The following UBR4 variants were observed in gnomAD, a reference collection of about 807,000 sequenced individuals.
UBR4 encodes E3 ubiquitin-protein ligase UBR4.
Under a neutral mutation model 575.6 loss-of-function variants are expected in UBR4, and 124 were observed. The ratio of observed to expected loss-of-function variants is 0.22; its 90% CI spans 0.19 to 0.25. The LOEUF is 0.25. UBR4 is among the 10% of genes least tolerant of loss of function. UBR4 has a pLI of 1.00. For missense variants in UBR4, 4,818 were observed against 6,478.8 expected (o/e 0.74, Z 8.80); for synonymous variants, 2,455 against 2,473.7 (o/e 0.99, Z 0.22).
chr1:19,190,970 C>T (rs531946377), intron 11 of UBR4, among the ~76,000 whole-genome samples: 2 of 152,288 alleles, frequency 1.3e-5, no homozygotes, highest in South Asian at 2.1e-4. Context: ...ACCTGTCTGA[C>T]CTAATTTTCT....
chr1:19,101,652 T>C lies in UBR4; in HGVS notation c.12902-11A>G. On this transcript the variant is annotated splice_polypyrimidine_tract_variant and intron_variant, in intron 87 of 105. Coordinates refer to ENST00000375254, the MANE Select transcript of UBR4 (RefSeq NM_020765.3). ...TTTCTGATTCTGTACCTGCCAGAAA[T>C]CAAAGCGGCCAAGTTAGGAAAGAGC... is the stretch of plus-strand genomic sequence containing the variant. 1 of 1,596,972 alleles carries C rather than the reference T, an allele frequency of 6.3e-7. No homozygotes were observed. The highest frequency in any genetic ancestry group is 8.6e-7 in the Non-Finnish European group (1 of 1,165,650).
intron 83 of UBR4, 25 bp downstream of exon 83, chr1:19,106,544 G>T (rs747893615): frequency 6.5e-7 from 1 of 1,527,058 alleles, no homozygotes; most frequent in Non-Finnish European, 8.8e-7. Flanking sequence ...CGCAGGGGGT[G>T]AAGAGTCCAG....
Position 19,120,263 on chromosome 1 carries a change from G to C in UBR4, c.10227C>G (p.Ile3409Met). 6.2e-7 allele frequency: 1 copy of C among 1,614,164 alleles called. No individual in the cohort carries two copies. Among genetic ancestry groups the C allele is most frequent in the Non-Finnish European group, 8.5e-7 (1 of 1,180,022 alleles). ...CTAACAGGAAACAACGCAGGAACTG[G>C]ATCAGGGTTTCCTTATCGGCAAATT... is the stretch of plus-strand genomic sequence containing the variant. ...LNKFADKETL[I>M]QFLRCFLLES... Residue 3409 changes from isoleucine (I) to methionine (M), a missense_variant, in exon 69 of 106, where the codon ATC (isoleucine) becomes ATG (methionine). By Grantham distance (10) the Ile-to-Met change is conservative (BLOSUM62 1). Transcript: ENST00000375254.
chr1:19,121,263 G>A lies in UBR4; in HGVS notation c.10067C>T (p.Ser3356Phe), dbSNP rs754736452. Reference sequence around the variant, plus strand: ...CTTGGACTGTGTTGTGGCTTGTCCAGAACTGGCAGCCACAGGGGCTGAGGA... The same window carrying A: ...CTTGGACTGTGTTGTGGCTTGTCCAAAACTGGCAGCCACAGGGGCTGAGGA... ...SSSSAPVAAS[S>F]GQATTQSKSS... is the part of the protein sequence containing the mutation. Residue 3356 changes from serine to phenylalanine, a missense_variant, in exon 68 of 106, where the codon TCT (serine) becomes TTT (phenylalanine). This residue lies in a region of UBR4 where 550 missense variants were observed against 791.5 expected (regional missense o/e 0.69). Transcript: ENST00000375254. 1 of 1,614,100 alleles carries A rather than the reference G, an allele frequency of 6.2e-7. No individual in the cohort carries two copies. The highest frequency in any genetic ancestry group is 8.5e-7 in the Non-Finnish European group (1 of 1,180,004).
intron 91 of UBR4, 48 bp from the exon 92 acceptor site, chr1:19,096,698 G>T: frequency 6.2e-7 from 1 of 1,608,198 alleles, no homozygotes. Context: ...AGGTGAAGAT[G>T]GGAATAAAAT....
At chr1:19,155,314 A>G in intron 43 of UBR4, 127 bp downstream of exon 43, 1 of 1,131,464 alleles carries the variant, frequency 8.8e-7, no homozygotes, top group Non-Finnish European at 1.2e-6. Flanking sequence ...AAACAAAGAA[A>G]AAGAAAAAAA....
intron 22 of UBR4, 82 bp from the exon 23 acceptor site, chr1:19,173,703 A>G: frequency 7.5e-7 from 1 of 1,338,386 alleles, no homozygotes; most frequent in Non-Finnish European, 1.0e-6. Flanking sequence ...CTCCAAATAC[A>G]ACTTTTAAAC....
chr1:19,138,274 A>T, intron 59 of UBR4, 93 bp from the exon 60 acceptor site: 1 of 1,337,828 alleles, frequency 7.5e-7, no homozygotes, highest in Non-Finnish European at 9.8e-7. Context: ...TAAGACAGTA[A>T]CTGACAGCAT....
chr1:19,150,837 A>C (rs968918654), intron 48 of UBR4, 44 bp from the exon 49 acceptor site: 2 of 1,598,784 alleles, frequency 1.3e-6, no homozygotes, highest in African/African-American at 2.7e-5. Flanking sequence ...ATTCTCTAAA[A>C]AGCCACCCCT....
chr1:19,164,167 T>C lies in UBR4; in HGVS notation c.4700+86A>G, dbSNP rs578068704. ...ATGAAAGGGTAGAGATTCAAATTTC[T>C]TCTGTACTCACTTTGAGCTATAAAG... is the stretch of plus-strand genomic sequence containing the variant. On this transcript the variant is annotated intron_variant, in intron 33 of 105. Coordinates refer to ENST00000375254, the MANE Select transcript of UBR4 (RefSeq NM_020765.3). 2.7e-5 allele frequency: 40 copies of C among 1,459,316 alleles called. No individual in the cohort carries two copies. In the African/African-American group the frequency reaches 5.4e-4, roughly 20 times the overall value. 90.4% of individuals were successfully genotyped at this position (1,459,316 alleles called of 1,614,324 possible).
intron 60 of UBR4, among the ~76,000 whole-genome samples, chr1:19,130,541 T>C (rs542861792): frequency 1.2e-4 from 18 of 152,266 alleles, no homozygotes; most frequent in African/African-American, 4.3e-4. Context: ...TGAAAGAAAG[T>C]ACGGGGTCTT....
In UBR4 at chr1:19,084,706, G is replaced by A. The variant is rs1042703517; in HGVS notation, c.14814-8C>T. 1.9e-6 allele frequency: 3 copies of A among 1,585,016 alleles called. No individual in the cohort carries two copies. The highest frequency in any genetic ancestry group is 2.7e-5 in the African/African-American group (2 of 74,232). Reference sequence around the variant, plus strand: ...TGGAGGTAAGTGTTGTGTCTAGAGGGAAGCAGAACAAACAATGAAATGGAA... The same window carrying A: ...TGGAGGTAAGTGTTGTGTCTAGAGGAAAGCAGAACAAACAATGAAATGGAA... On this transcript the variant is annotated splice_region_variant and splice_polypyrimidine_tract_variant and intron_variant, in intron 101 of 105. Transcript: ENST00000375254.
chr1:19,116,914 T>C (rs186743467), intron 73 of UBR4, among the ~76,000 whole-genome samples: 1 of 152,130 alleles, frequency 6.6e-6, no homozygotes, highest in East Asian at 1.9e-4. Flanking sequence ...TAGACCTTTG[T>C]GTAAGAATAG....
chr1:19,185,342 T>C (rs1019288444), intron 14 of UBR4, 56 bp from the exon 15 acceptor site: 36 of 1,480,504 alleles, frequency 2.4e-5, no homozygotes, highest in Non-Finnish European at 3.2e-5. Context: ...GTGTTTTTGG[T>C]GCATCTGCTT....
At chr1:19,123,341 C>A (rs1055000900) in intron 65 of UBR4, among the ~76,000 whole-genome samples, 1 of 151,412 alleles carries the variant, frequency 6.6e-6, no homozygotes, top group African/African-American at 2.4e-5. Context: ...ATCCCAGCTA[C>A]TAGGGAGGCT....
In UBR4 at chr1:19,076,894, A is replaced by G. The variant is rs1385796899; in HGVS notation, c.15333T>C (p.Pro5111=). Reference sequence around the variant, plus strand: ...ACCAGCCTCCCTCTGTGTTACTGGTAGGCACCTTCTACGAGAATCAACAGG... The same window carrying G: ...ACCAGCCTCCCTCTGTGTTACTGGTGGGCACCTTCTACGAGAATCAACAGG... The part of the protein sequence containing the change: ...DLIYNMFKKV[P]TSNTEGGWSC... Residue 5111 remains proline, a synonymous_variant, in exon 105 of 106, where the codon CCT becomes CCC. Transcript: ENST00000375254. The G allele has an allele frequency of 4.5e-6, 7 of 1,562,284 alleles. No homozygotes were observed. Among genetic ancestry groups the G allele is most frequent in the Non-Finnish European group, 6.1e-6 (7 of 1,156,898 alleles).
chr1:19,190,279 C>T (rs531507106), intron 11 of UBR4, among the ~76,000 whole-genome samples: 12 of 105,760 alleles, frequency 1.1e-4, no homozygotes, highest in East Asian at 3.0e-4. Context: ...GGCAACAGAG[C>T]GAGACTCTGC....
At chr1:19,095,852 G>A (rs1359908198) in intron 92 of UBR4, 200 bp from the exon 93 acceptor site, 2 of 535,202 alleles carry the variant, frequency 3.7e-6, no homozygotes, top group African/African-American at 3.8e-5. Context: ...TAGCTCCAAT[G>A]GCGGGATATA....
rs773090530 is a variant in UBR4 at position 19,164,328 on chromosome 1, G to A, written c.4625C>T (p.Ala1542Val). Residue 1542 changes from alanine (A) to valine (V), a missense_variant, in exon 33 of 106, where the codon GCC becomes GTC. By Grantham distance (64) the Ala-to-Val change is moderately conservative. Around this residue, in one of 29 missense-constraint regions of UBR4, gnomAD observed 1,172 missense variants for 1,259.7 expected, o/e 0.93. Transcript: ENST00000375254. ...TGFPELMVVM[A>V]TLASAGQGAG... is the part of the protein sequence containing the mutation. ...ACCTTGACCTGCACTGGCCAGAGTGGCCATCACAACCATAAGTTCAGGGAA... is the reference window on the plus strand; with the variant it reads ...ACCTTGACCTGCACTGGCCAGAGTGACCATCACAACCATAAGTTCAGGGAA... 6.2e-6 allele frequency: 10 copies of A among 1,614,178 alleles called. 1 individual carries two copies. The highest frequency in any genetic ancestry group is 2.7e-5 in the African/African-American group (2 of 75,050).
Sources: allele counts gnomAD v4.1 joint callset (sites outside exome capture counted in the v4.1 genomes callset), GRCh38; gene constraint gnomAD v4.1.1; regional missense constraint gnomAD v4.1.1; transcripts MANE v1.5; gene names NCBI Gene and HGNC (gene_info 2026-07-23, HGNC 2026-07-21).